Variants in DOK6 observed in about 807,000 individuals in gnomAD.
The protein encoded by DOK6 is docking protein 6.
In DOK6, 22 loss-of-function variants were observed where a neutral mutation model predicts 44.0. The observed-to-expected ratio is 0.50, with a 90% CI of 0.36 to 0.71. The LOEUF (loss-of-function observed/expected upper bound fraction) is 0.71, where lower values mean the gene tolerates loss of function less well. Ranked by LOEUF, DOK6 falls within the 30% of genes least tolerant of loss-of-function variation. DOK6 has a pLI of 0.00. For missense variants in DOK6, 340 were observed against 416.4 expected (o/e 0.82, Z 1.60); for synonymous variants, 166 against 145.5 (o/e 1.14, Z -1.01).
intron 2 of DOK6, among the ~76,000 whole-genome samples, chr18:69,567,127 A>G (rs1251357724): frequency 6.6e-6 from 1 of 152,186 alleles, no homozygotes; most frequent in East Asian, 1.9e-4. Flanking sequence ...AACATGGTCT[A>G]TCCGTTAGCC....
intron 5 of DOK6, among the ~76,000 whole-genome samples, chr18:69,716,844 C>T (rs529803040): frequency 6.6e-6 from 1 of 152,178 alleles, no homozygotes; most frequent in East Asian, 1.9e-4. Context: ...CAAATGGGTA[C>T]CCAAGTGATC....
intron 1 of DOK6, among the ~76,000 whole-genome samples, chr18:69,407,901 T>C (rs761053034): frequency 1.4e-4 from 22 of 152,354 alleles, no homozygotes; most frequent in Non-Finnish European, 2.4e-4. Context: ...GTTTGAGACT[T>C]CATAATGGTA....
chr18:69,796,966 T>C (rs750611008), intron 7 of DOK6, among the ~76,000 whole-genome samples: 3 of 152,184 alleles, frequency 2.0e-5, no homozygotes, highest in Non-Finnish European at 4.4e-5. Flanking sequence ...GAGCTTATAT[T>C]TGATGAACTG....
At chr18:69,821,803 A>G (rs1981582605) in intron 7 of DOK6, among the ~76,000 whole-genome samples, 1 of 151,170 alleles carries the variant, frequency 6.6e-6, no homozygotes, top group South Asian at 2.1e-4. Flanking sequence ...TTTTTTTAAA[A>G]AAAATCCTTT....
intron 3 of DOK6, among the ~76,000 whole-genome samples, chr18:69,641,597 C>T (rs1984943087): frequency 6.6e-6 from 1 of 152,142 alleles, no homozygotes; most frequent in Non-Finnish European, 1.5e-5. Flanking sequence ...CTAACATAAT[C>T]ATTATTTGAC....
In DOK6 at chr18:69,844,588, A is replaced by G. The variant is rs1982307130; in HGVS notation, c.*3205A>G. The G allele has an allele frequency of 6.6e-6, 1 of 152,244 alleles. No homozygotes were observed. Among genetic ancestry groups the G allele is most frequent in the Non-Finnish European group, 1.5e-5 (1 of 68,076 alleles). 9.4% of individuals were successfully genotyped at this position (152,244 alleles called of 1,614,324 possible). A position where few individuals can be genotyped will look rare whatever the true frequency, so the allele number is the denominator to read the frequency against. ...TGGGGGGTGGGGGCAGAGGCGGAAA[A>G]GAAAACACATCTTTCACTTACTTAT... On this transcript the variant is annotated 3_prime_UTR_variant, in exon 8 of 8. Coordinates refer to ENST00000382713, the MANE Select transcript of DOK6 (RefSeq NM_152721.6).
chr18:69,754,633 G>A (rs1341195883), intron 6 of DOK6, among the ~76,000 whole-genome samples: 3 of 152,138 alleles, frequency 2.0e-5, no homozygotes, highest in Non-Finnish European at 4.4e-5. Context: ...TATACCTGCA[G>A]GGTTGGTTTC....
chr18:69,415,934 CTCA>C (rs1440562083), intron 1 of DOK6, among the ~76,000 whole-genome samples: 1 of 152,032 alleles, frequency 6.6e-6, no homozygotes, highest in Non-Finnish European at 1.5e-5. Flanking sequence ...AGTGAATACA[CTCA>C]TCATTTACAA....
At chr18:69,829,747 C>T (rs1002278902) in intron 7 of DOK6, among the ~76,000 whole-genome samples, 34 of 150,218 alleles carry the variant, frequency 2.3e-4, no homozygotes, top group Admixed American at 1.1e-3. Context: ...GATTTGACCA[C>T]GAGAAATGAA....
chr18:69,644,716 A>C (rs111822256), intron 3 of DOK6, among the ~76,000 whole-genome samples: 1 of 152,124 alleles, frequency 6.6e-6, no homozygotes, highest in Non-Finnish European at 1.5e-5. Context: ...CTCTTTGTCA[A>C]GAGTGTTTTA....
chr18:69,415,748 A>C (rs1430560417), intron 1 of DOK6, among the ~76,000 whole-genome samples: 1 of 152,050 alleles, frequency 6.6e-6, no homozygotes, highest in African/African-American at 2.4e-5. Context: ...TGGAAGAAAA[A>C]TCTTAAAAAA....
chr18:69,742,429 GA>G (rs945947417), intron 6 of DOK6, among the ~76,000 whole-genome samples: 1 of 142,118 alleles, frequency 7.0e-6, no homozygotes, highest in Non-Finnish European at 1.5e-5. Context: ...AAAAAAAAAA[GA>G]AAAAGAAAAA....
At chr18:69,536,987 T>TTATTATTATTATTA (rs1419665215) in intron 1 of DOK6, among the ~76,000 whole-genome samples, 2 of 147,650 alleles carry the variant, frequency 1.4e-5, no homozygotes, top group Non-Finnish European at 3.0e-5. Flanking sequence ...ATCATTATTA[T>TTATTATTATTATTA]TATTATTATT....
chr18:69,496,597 C>G (rs1051868268), intron 1 of DOK6, among the ~76,000 whole-genome samples: 1 of 152,164 alleles, frequency 6.6e-6, no homozygotes, highest in African/African-American at 2.4e-5. Flanking sequence ...TTTTTTCTGT[C>G]TTTTTTCTTG....
rs535030611 is a variant in DOK6, at chr18:69,739,286, A to C, written c.738+183A>C. 9.4e-5 allele frequency: 68 copies of C among 726,908 alleles called. No individual in the cohort carries two copies. The African/African-American group carries it at 1.1e-3, about 12-fold the overall frequency. The allele number at this position is 726,908 out of a possible 1,614,324, so 45.0% of individuals were successfully genotyped here. On this transcript the variant is annotated intron_variant, in intron 6 of 7. Transcript: ENST00000382713. ...TATTCAATATGTCAAAAAAGAAGTT[A>C]TTGTGGCCACCAACTGTGAGCCCTG...
intron 3 of DOK6, among the ~76,000 whole-genome samples, chr18:69,671,444 A>AT (rs1440537825): frequency 2.0e-5 from 3 of 152,220 alleles, no homozygotes; most frequent in African/African-American, 7.2e-5. Context: ...TTCCACTGTC[A>AT]TATCTATATA....
At chr18:69,560,551 A>G (rs2068822) in intron 1 of DOK6, among the ~76,000 whole-genome samples, 1 of 151,946 alleles carries the variant, frequency 6.6e-6, no homozygotes, top group African/African-American at 2.4e-5. Context: ...GATACTATAT[A>G]TAATTCTCGT....
At chr18:69,558,139 C>G (rs1293656928) in intron 1 of DOK6, among the ~76,000 whole-genome samples, 1 of 152,014 alleles carries the variant, frequency 6.6e-6, no homozygotes, top group Non-Finnish European at 1.5e-5. Flanking sequence ...CTCGGGCAGT[C>G]ATTTCTGCTG....
At chr18:69,640,333 A>T (rs374836238) in intron 3 of DOK6, among the ~76,000 whole-genome samples, 1 of 152,170 alleles carries the variant, frequency 6.6e-6, no homozygotes, top group Non-Finnish European at 1.5e-5. Context: ...TGTTTCCCTG[A>T]TATGTGGTAT....
Sources: gnomAD v4.1 joint callset for allele counts (sites outside exome capture counted in the v4.1 genomes callset) on GRCh38, gnomAD v4.1.1 for gene constraint, MANE v1.5 for transcripts, NCBI Gene and HGNC (gene_info 2026-07-23, HGNC 2026-07-21) for gene names.